Variants in PPM1A observed in about 807,000 individuals in gnomAD.
PPM1A encodes the protein protein phosphatase, Mg2+/Mn2+ dependent 1A.
In PPM1A, 7 loss-of-function variants were observed where a neutral mutation model predicts 35.0. That is an observed-to-expected ratio of 0.20 (90% CI 0.11 to 0.38). PPM1A has a LOEUF of 0.38. PPM1A is among the 10% of genes least tolerant of loss of function. The pLI is 1.00. For synonymous variants in PPM1A, 153 were observed against 167.3 expected, an observed-to-expected ratio of 0.91 and a Z score of 0.66; for missense variants, 239 against 467.8, an observed-to-expected ratio of 0.51 and a Z score of 4.51.
intron 3 of PPM1A, chr14:60,287,783 G>A (rs994500967): frequency 1.0e-6 from 1 of 982,248 alleles, no homozygotes; most frequent in Non-Finnish European, 1.2e-6. Flanking sequence ...TAATTTTGTG[G>A]TCCTTCTAAG....
At chr14:60,256,263 C>CA (rs796463862) in intron 1 of PPM1A, among the ~76,000 whole-genome samples, 90 of 152,028 alleles carry the variant, frequency 5.9e-4, no homozygotes, top group African/African-American at 2.0e-3. Flanking sequence ...TACTAAAATA[C>CA]AAAAAATTAG....
At chr14:60,275,894 T>C (rs1002657817) in intron 1 of PPM1A, among the ~76,000 whole-genome samples, 1 of 151,718 alleles carries the variant, frequency 6.6e-6, no homozygotes, top group Non-Finnish European at 1.5e-5. Context: ...GTTAATGTGC[T>C]TATTTCTCAT....
intron 1 of PPM1A, among the ~76,000 whole-genome samples, chr14:60,280,682 G>C (rs557284109): frequency 1.4e-4 from 21 of 152,182 alleles, no homozygotes; most frequent in African/African-American, 4.8e-4. Flanking sequence ...ATTATTTCTT[G>C]TTGGCCCTTA....
rs1882080269 is a variant in PPM1A, at chr14:60,249,612, CCCT to C, written c.-83_-81del. On this transcript the variant is annotated 5_prime_UTR_variant, in exon 1 of 6. Transcript: ENST00000395076. This position sits in a 1 kb window ranked among gnomAD's most constrained non-coding sequence, Gnocchi z 4.5. ...TGCCGCCGTCGCCGCCGCGGTGACC[CCCT>C]CCCCGGCTGCCGCCGCCGCCGCCTC... 1 of 987,128 alleles carries C rather than the reference CCCT, an allele frequency of 1.0e-6. No individual in the cohort carries two copies. The highest frequency in any genetic ancestry group is 1.8e-5 in the African/African-American group (1 of 56,862). 61.1% of individuals were successfully genotyped at this position (987,128 alleles called of 1,614,324 possible). A position where few individuals can be genotyped will look rare whatever the true frequency, so the allele number is the denominator to read the frequency against.
At chr14:60,287,519 C>CT (rs1173571099) in intron 3 of PPM1A, 1 of 985,184 alleles carries the variant, frequency 1.0e-6, no homozygotes, top group Non-Finnish European at 1.2e-6. Context: ...AAAATACTGC[C>CT]TTCAGCTTCC....
At chr14:60,291,749 G>T in intron 5 of PPM1A, among the ~76,000 whole-genome samples, 1 of 144,580 alleles carries the variant, frequency 6.9e-6, no homozygotes, top group South Asian at 2.1e-4. Context: ...TCCACTACAT[G>T]GTTTTTTTTT....
At chr14:60,271,089 C>CTT (rs991967434) in intron 1 of PPM1A, among the ~76,000 whole-genome samples, 3 of 152,190 alleles carry the variant, frequency 2.0e-5, no homozygotes, top group African/African-American at 7.2e-5. Flanking sequence ...AAGGAGGAAT[C>CTT]TGTTTCTTGC....
At chr14:60,274,540 C>G (rs1473839638) in intron 1 of PPM1A, among the ~76,000 whole-genome samples, 3 of 151,370 alleles carry the variant, frequency 2.0e-5, no homozygotes, top group African/African-American at 7.3e-5. Flanking sequence ...CCTGAAAAAA[C>G]TGTCATTTAA....
intron 1 of PPM1A, among the ~76,000 whole-genome samples, chr14:60,258,645 G>A (rs915200678): frequency 7.9e-5 from 12 of 151,612 alleles, no homozygotes; most frequent in Non-Finnish European, 1.6e-4. Flanking sequence ...TTTTTGTAGG[G>A]ATAAAAGACA....
At chr14:60,245,872 G>A, upstream of PPM1A, 1 of 1,592,554 alleles carries the variant, frequency 6.3e-7, no homozygotes, top group Non-Finnish European at 8.5e-7. The surrounding 1 kb of genome is among the most constrained non-coding windows in gnomAD (Gnocchi z 4.2). Context: ...GAGAAAATGG[G>A]TAGCAGAAGC....
intron 1 of PPM1A, among the ~76,000 whole-genome samples, chr14:60,260,348 A>G (rs538238994): frequency 7.6e-4 from 116 of 152,258 alleles, no homozygotes; most frequent in African/African-American, 2.7e-3. Context: ...ATTTAAGGCT[A>G]TAAGTTGAAA....
intron 1 of PPM1A, among the ~76,000 whole-genome samples, chr14:60,266,658 C>A (rs2139416366): frequency 6.6e-6 from 1 of 152,286 alleles, no homozygotes; most frequent in South Asian, 2.1e-4. Context: ...ATTCTCAGTT[C>A]TATTCCACTG....
rs551848120 is a variant in PPM1A, at chr14:60,271,043, C to T, written c.-20-11641C>T. On this transcript the variant is annotated intron_variant, in intron 1 of 5. Transcript: ENST00000395076. ...TATCATTTTCACGGGGACAAAATCA[C>T]GGTGTCACCAAGAATGTGCTCACTC... 5.3e-5 allele frequency among the ~76,000 whole-genome samples: 8 copies of T among 152,332 alleles called. No homozygotes were observed. The East Asian group carries it at 1.4e-3, about 26-fold the overall frequency.
intron 1 of PPM1A, among the ~76,000 whole-genome samples, chr14:60,270,992 C>G (rs1161885804): frequency 6.6e-6 from 1 of 152,216 alleles, no homozygotes; most frequent in African/African-American, 2.4e-5. Flanking sequence ...GATTTATTCT[C>G]ACAGTTCTGG....
At position 60,282,527 on chromosome 14, in the gene PPM1A, T is replaced by C. The variant is rs1420166113; in HGVS notation, c.-20-157T>C. 6.6e-6 allele frequency among the ~76,000 whole-genome samples: 1 copy of C among 152,242 alleles called. No individual in the cohort carries two copies. Among genetic ancestry groups the C allele is most frequent in the East Asian group, 1.9e-4 (1 of 5,198 alleles). On this transcript the variant is annotated intron_variant, in intron 1 of 5. Transcript: ENST00000395076. This position sits in a 1 kb window ranked among gnomAD's most constrained non-coding sequence, Gnocchi z 5.1. ...CATCAGGCTTTCCCCCAGTTCCTCC[T>C]TGTTAATCTCCAGATTCCAAGTCAG...
chr14:60,283,714 A>C lies in PPM1A; in HGVS notation c.834+177A>C, dbSNP rs1022640707. Among the ~76,000 whole-genome samples the C allele has an allele frequency of 2.0e-5, 3 of 152,202 alleles. No individual in the cohort carries two copies. Among genetic ancestry groups the C allele is most frequent in the African/African-American group, 7.2e-5 (3 of 41,446 alleles). Reference sequence around the variant, plus strand: ...CCACTATGTAGAAATAAATTACCCAATTACCATCTCTGCAAGAGTTATAAG... The same window carrying C: ...CCACTATGTAGAAATAAATTACCCACTTACCATCTCTGCAAGAGTTATAAG... On this transcript the variant is annotated intron_variant, in intron 2 of 5. Transcript: ENST00000395076. The surrounding 1 kb of genome is among the most constrained non-coding windows in gnomAD (Gnocchi z 6.3).
Position 60,289,683 on chromosome 14 carries a change from C to A in PPM1A, c.953-123C>A. ...TGATTTTTTTTTTTTTTAAATGATA[C>A]CAGATTAGAAAAATCTCAGATGTGG... On this transcript the variant is annotated intron_variant, in intron 3 of 5. Transcript: ENST00000395076. This position sits in a 1 kb window ranked among gnomAD's most constrained non-coding sequence, Gnocchi z 4.1. 1.2e-5 allele frequency: 7 copies of A among 575,380 alleles called. No homozygotes were observed. The highest frequency in any genetic ancestry group is 4.5e-5 in the South Asian group (2 of 44,498). The allele number at this position is 575,380 out of a possible 1,614,324, so 35.6% of individuals were successfully genotyped here. A position where few individuals can be genotyped will look rare whatever the true frequency, so the allele number is the denominator to read the frequency against.
At chr14:60,291,281 AAAAT>A (rs1412853156) in intron 4 of PPM1A, 112 bp from the exon 5 acceptor site, 2 of 664,690 alleles carry the variant, frequency 3.0e-6, no homozygotes, top group Non-Finnish European at 4.7e-6. Flanking sequence ...AAATAGAACT[AAAAT>A]AATATCTGAG....
chr14:60,285,194 T>C (rs912913729), intron 2 of PPM1A, among the ~76,000 whole-genome samples: 1 of 152,214 alleles, frequency 6.6e-6, no homozygotes, highest in Non-Finnish European at 1.5e-5. Context: ...ATCAGGTACA[T>C]ATAACTACAG....
Sources: gnomAD v4.1 joint callset for allele counts (sites outside exome capture counted in the v4.1 genomes callset) on GRCh38, gnomAD v4.1.1 for gene constraint, Gnocchi (gnomAD v3.1) non-coding constraint, MANE v1.5 for transcripts, NCBI Gene and HGNC (gene_info 2026-07-23, HGNC 2026-07-21) for gene names.